The following FTO variants were observed in gnomAD, a reference collection of about 807,000 sequenced individuals.
FTO encodes FTO alpha-ketoglutarate dependent dioxygenase, also known as alpha-ketoglutarate-dependent dioxygenase FTO.
Under a neutral mutation model 63.9 loss-of-function variants are expected in FTO, and 47 were observed. The ratio of observed to expected loss-of-function variants is 0.74; its 90% confidence interval spans 0.58 to 0.94. FTO has a LOEUF of 0.94. Among genes scored for constraint, FTO ranks in the 40% least tolerant of loss-of-function variants. FTO has a pLI of 0.00. For missense variants in FTO, 562 were observed against 618.1 expected (o/e 0.91, Z 0.96); for synonymous variants, 207 against 224.4 (o/e 0.92, Z 0.69).
intron 8 of FTO, among the ~76,000 whole-genome samples, chr16:53,984,321 C>CCTTTTTTTTTTTTTTTTTTTTTT (rs1555500067): frequency 1.5e-5 from 1 of 67,290 alleles, no homozygotes. Context: ...TGGAATGGGT[C>CCTTTTTTTTTTTTTTTTTTTTTT]TTTTTTTTTT....
chr16:54,056,580 C>CA (rs1392037216), intron 8 of FTO, among the ~76,000 whole-genome samples: 8 of 152,306 alleles, frequency 5.3e-5, no homozygotes, highest in African/African-American at 1.9e-4. Flanking sequence ...CTGGACTACT[C>CA]ACGCTGGGAG....
chr16:53,889,972 G>T (rs2081106623), intron 7 of FTO, among the ~76,000 whole-genome samples: 2 of 151,910 alleles, frequency 1.3e-5, no homozygotes. Context: ...TTCTAACGAG[G>T]AGACCAAAAC....
At chr16:53,794,382 A>G (rs2078005580) in intron 1 of FTO, among the ~76,000 whole-genome samples, 1 of 152,180 alleles carries the variant, frequency 6.6e-6, no homozygotes, top group Non-Finnish European at 1.5e-5. Context: ...AGTGTTGTAG[A>G]CCCGAAAGCT....
intron 8 of FTO, among the ~76,000 whole-genome samples, chr16:54,041,531 C>T (rs563306626): frequency 1.3e-5 from 2 of 152,180 alleles, no homozygotes; most frequent in South Asian, 4.2e-4. Context: ...ATGAGGATTC[C>T]GTTGCCATTT....
intron 8 of FTO, chr16:53,937,821 C>G (rs2082426759): frequency 6.6e-6 from 1 of 152,142 alleles, no homozygotes; most frequent in Non-Finnish European, 1.5e-5. Flanking sequence ...TTGAAAAGTG[C>G]TCCAAAGAAA....
At chr16:53,821,086 T>C (rs1362037899) in intron 2 of FTO, among the ~76,000 whole-genome samples, 2 of 152,210 alleles carry the variant, frequency 1.3e-5, no homozygotes, top group East Asian at 3.8e-4. Flanking sequence ...ATATTAAATA[T>C]ATCTTATGCA....
Position 53,951,809 on chromosome 16 carries a change from A to G in FTO, c.1364+17700A>G, listed in dbSNP as rs142093688. 1.2e-3 allele frequency among the ~76,000 whole-genome samples: 189 copies of G among 151,238 alleles called. 1 individual carries two copies. The highest frequency in any genetic ancestry group is 4.5e-3 in the African/African-American group (181 of 40,640). On this transcript the variant is annotated intron_variant, in intron 8 of 8. Coordinates refer to ENST00000471389, the MANE Select transcript of FTO (RefSeq NM_001080432.3). ...ATTATTGAGGACAAGACTCAAATCA[A>G]TCTTGTTTTTTTTTTTAAGTTGATT...
chr16:53,938,355 C>T (rs1039207917), intron 8 of FTO, among the ~76,000 whole-genome samples: 6 of 152,156 alleles, frequency 3.9e-5, no homozygotes, highest in South Asian at 2.1e-4. Flanking sequence ...GGTCACTATA[C>T]GCTATTCGTC....
At chr16:53,780,312 C>T (rs2077556495) in intron 1 of FTO, among the ~76,000 whole-genome samples, 1 of 152,102 alleles carries the variant, frequency 6.6e-6, no homozygotes, top group South Asian at 2.1e-4. Context: ...CACTCTCTCC[C>T]CAGATCTTTA....
At chr16:53,982,306 G>A (rs1411571298) in intron 8 of FTO, among the ~76,000 whole-genome samples, 1 of 152,144 alleles carries the variant, frequency 6.6e-6, no homozygotes, top group Non-Finnish European at 1.5e-5. Context: ...GTCTGCCCAT[G>A]TTTGTGACTA....
chr16:53,879,029 C>G (rs995995826), intron 5 of FTO, among the ~76,000 whole-genome samples: 7 of 152,272 alleles, frequency 4.6e-5, no homozygotes, highest in African/African-American at 7.2e-5. Flanking sequence ...CATTATAGAA[C>G]CATTTATTGT....
chr16:53,944,270 C>T (rs1006601793), intron 8 of FTO, among the ~76,000 whole-genome samples: 1 of 152,102 alleles, frequency 6.6e-6, no homozygotes, highest in Non-Finnish European at 1.5e-5. Context: ...AGTCATGATT[C>T]CATAGAAACC....
chr16:53,923,406 A>T (rs1019681250), intron 7 of FTO, among the ~76,000 whole-genome samples: 5 of 152,360 alleles, frequency 3.3e-5, no homozygotes, highest in African/African-American at 9.6e-5. Flanking sequence ...ACAGGGGCCA[A>T]ACGATCACAT....
chr16:54,077,287 G>A (rs1197811401), intron 8 of FTO, among the ~76,000 whole-genome samples: 1 of 152,172 alleles, frequency 6.6e-6, no homozygotes, highest in Admixed American at 6.6e-5. Flanking sequence ...ACTGTCCTAG[G>A]AAATGGACAT....
intron 1 of FTO, among the ~76,000 whole-genome samples, chr16:53,711,971 A>T (rs1042063763): frequency 6.6e-6 from 1 of 152,158 alleles, no homozygotes; most frequent in Non-Finnish European, 1.5e-5. Context: ...TATACCTGTA[A>T]TCCCAATGCT....
chr16:53,883,407 G>A (rs1351727148), intron 6 of FTO, among the ~76,000 whole-genome samples: 1 of 152,100 alleles, frequency 6.6e-6, no homozygotes, highest in East Asian at 1.9e-4. Context: ...GATCACCTGA[G>A]GTCAGGAGTT....
chr16:53,965,567 TC>T (rs1236888939), intron 8 of FTO, among the ~76,000 whole-genome samples: 1 of 152,148 alleles, frequency 6.6e-6, no homozygotes, highest in African/African-American at 2.4e-5. Flanking sequence ...GAAATTGCAT[TC>T]TCAACATCTC....
chr16:53,931,227 C>T (rs1166058595), intron 7 of FTO, among the ~76,000 whole-genome samples: 2 of 148,102 alleles, frequency 1.4e-5, no homozygotes, highest in African/African-American at 5.0e-5. Context: ...TCTACTTTGT[C>T]TTTCATTTGA....
intron 7 of FTO, among the ~76,000 whole-genome samples, chr16:53,896,629 T>C (rs2081285160): frequency 6.6e-6 from 1 of 152,176 alleles, no homozygotes; most frequent in South Asian, 2.1e-4. Context: ...ATGAGAAAGT[T>C]TGTAAAATAT....
Sources: allele counts gnomAD v4.1 joint callset (sites outside exome capture counted in the v4.1 genomes callset), GRCh38; gene constraint gnomAD v4.1.1; transcripts MANE v1.5; gene names NCBI Gene and HGNC (gene_info 2026-07-23, HGNC 2026-07-21).